Variants in TACC1 observed in about 807,000 individuals in gnomAD.
TACC1 encodes transforming acidic coiled-coil-containing protein 1.
A neutral mutation model predicts 84.4 loss-of-function variants in TACC1; 48 were observed. That is an observed-to-expected ratio of 0.57 (90% confidence interval 0.45 to 0.72). The LOEUF (loss-of-function observed/expected upper bound fraction) is 0.72. Among genes scored for constraint, TACC1 ranks in the 30% least tolerant of loss-of-function variants. The pLI is 0.00. For synonymous variants in TACC1, 372 were observed against 376.3 expected, an observed-to-expected ratio of 0.99 and a Z score of 0.13; for missense variants, 920 against 973.0, an observed-to-expected ratio of 0.95 and a Z score of 0.72.
At chr8:38,843,232 T>C (rs1831584458) in intron 10 of TACC1, 57 bp from the exon 11 acceptor site, 14 of 1,185,342 alleles carry the variant, frequency 1.2e-5, no homozygotes, top group Non-Finnish European at 1.7e-5. Context: ...CTCTGATATG[T>C]GGTAGATTAG....
intron 2 of TACC1, among the ~76,000 whole-genome samples, chr8:38,797,722 A>G (rs1485631532): frequency 6.6e-6 from 1 of 152,184 alleles, no homozygotes; most frequent in African/African-American, 2.4e-5. Flanking sequence ...TTCTGAAGAG[A>G]TGCACATTAT....
intron 3 of TACC1, among the ~76,000 whole-genome samples, chr8:38,768,888 G>A (rs917922136): frequency 1.7e-4 from 26 of 150,230 alleles, no homozygotes; most frequent in African/African-American, 5.4e-4. Context: ...TAAGACTGTC[G>A]GGGGAGGTGT....
intron 2 of TACC1, among the ~76,000 whole-genome samples, chr8:38,792,462 T>A (rs565416559): frequency 6.7e-6 from 1 of 150,234 alleles, no homozygotes; most frequent in Admixed American, 6.6e-5. Flanking sequence ...CCTGGCTAAT[T>A]TTTTGTTTTG....
Position 38,788,707 on chromosome 8 carries a change from G to T in TACC1, c.165G>T (p.Ser55=). ...QAETKSLSFS[S]DSEGNFETPE... is the part of the protein sequence containing the mutation. ...CCTCATTTTTCCTCCTTGGCAGCTCGGATTCTGAAGGTAATTTTGAGACTC... is the reference window on the plus strand; with the variant it reads ...CCTCATTTTTCCTCCTTGGCAGCTCTGATTCTGAAGGTAATTTTGAGACTC... Residue 55 remains serine, a synonymous_variant, in exon 2 of 13, where the codon TCG becomes TCT. Coordinates refer to ENST00000317827, the MANE Select transcript of TACC1 (RefSeq NM_006283.3). 6.2e-7 allele frequency: 1 copy of T among 1,612,280 alleles called. No homozygotes were observed. The highest frequency in any genetic ancestry group is 8.5e-7 in the Non-Finnish European group (1 of 1,179,002).
chr8:38,846,963 C>A, intron 12 of TACC1, 144 bp downstream of exon 12: 2 of 944,640 alleles, frequency 2.1e-6, no homozygotes, highest in Non-Finnish European at 3.1e-6. Context: ...TGAACTGATC[C>A]AGGTGGAAAC....
intron 3 of TACC1, among the ~76,000 whole-genome samples, chr8:38,768,616 G>A (rs1308707084): frequency 2.0e-5 from 3 of 152,200 alleles, no homozygotes; most frequent in African/African-American, 7.2e-5. Context: ...GAATGGTCCA[G>A]GGGCTGAGCA....
chr8:38,761,857 G>A (rs1180325331), intron 3 of TACC1, among the ~76,000 whole-genome samples: 7 of 152,112 alleles, frequency 4.6e-5, no homozygotes, highest in African/African-American at 1.7e-4. Flanking sequence ...GTGATGAAAA[G>A]GTAAAAGAAT....
In TACC1 at chr8:38,825,257, A is replaced by G. The variant is rs376242736; in HGVS notation, c.1392-51A>G. 5.0e-6 allele frequency: 8 copies of G among 1,597,492 alleles called. No homozygotes were observed. In the African/African-American group the frequency reaches 8.0e-5, roughly 16 times the overall value. ...TGTCTGCTCCATTTCATACCTTGAC[A>G]ATTGTCAGTGTGATTGCAAACTGGC... On this transcript the variant is annotated intron_variant, in intron 3 of 12. Coordinates refer to ENST00000317827, the MANE Select transcript of TACC1 (RefSeq NM_006283.3).
chr8:38,773,069 T>A (rs1263743545), intron 3 of TACC1, among the ~76,000 whole-genome samples: 1 of 152,152 alleles, frequency 6.6e-6, no homozygotes, highest in Non-Finnish European at 1.5e-5. Context: ...GGCTCACGCC[T>A]GTAATCCTAG....
chr8:38,840,384 T>A (rs1374942404), intron 9 of TACC1, 117 bp downstream of exon 9: 1 of 913,264 alleles, frequency 1.1e-6, no homozygotes, highest in Non-Finnish European at 1.7e-6. Flanking sequence ...ACATTTTTCA[T>A]AGCTCTGGAG....
chr8:38,847,621 G>A (rs980725249), intron 12 of TACC1, among the ~76,000 whole-genome samples: 1 of 152,194 alleles, frequency 6.6e-6, no homozygotes, highest in Non-Finnish European at 1.5e-5. Flanking sequence ...TATGCTAATG[G>A]ATTGAGTGAG....
At position 38,845,769 on chromosome 8, in the gene TACC1, C is replaced by T. The variant is rs111502016; in HGVS notation, c.2229-930C>T. 2.6e-3 allele frequency among the ~76,000 whole-genome samples: 402 copies of T among 152,340 alleles called. 7 individuals carry two copies. The highest frequency in any genetic ancestry group is 8.3e-3 in the African/African-American group (345 of 41,588). On this transcript the variant is annotated intron_variant, in intron 11 of 12. Coordinates refer to ENST00000317827, the MANE Select transcript of TACC1 (RefSeq NM_006283.3). ...ACACTTTAAATTGCCCTGGTGACTACCACATTGCCCGCCACAAGGCAGCGC... is the reference window on the plus strand; with the variant it reads ...ACACTTTAAATTGCCCTGGTGACTATCACATTGCCCGCCACAAGGCAGCGC...
chr8:38,820,897 G>A (rs1359633799), intron 3 of TACC1, among the ~76,000 whole-genome samples: 2 of 151,826 alleles, frequency 1.3e-5, no homozygotes, highest in Admixed American at 6.6e-5. Flanking sequence ...CTTGACCCTA[G>A]AGACTTTTTT....
Position 38,824,864 on chromosome 8 carries a change from A to G in TACC1, c.1392-444A>G, listed in dbSNP as rs187235103. On this transcript the variant is annotated intron_variant, in intron 3 of 12. Transcript: ENST00000317827. ...ACTGGAACTGTTTTATGAGACGTCT[A>G]TGGCTTTTAGTGCAATAAAGAATTT... The G allele has an allele frequency of 3.9e-4, 62 of 160,792 alleles. 1 individual carries two copies. The highest frequency in any genetic ancestry group is 2.9e-3 in the Admixed American group (47 of 16,126). 10.0% of individuals were successfully genotyped at this position (160,792 alleles called of 1,614,324 possible).
intron 3 of TACC1, among the ~76,000 whole-genome samples, chr8:38,762,065 G>C (rs1811314104): frequency 1.3e-5 from 2 of 152,192 alleles, no homozygotes; most frequent in Non-Finnish European, 2.9e-5. Context: ...AGAAAAAAGA[G>C]TTAATAATGG....
At chr8:38,842,016 T>C (rs1831374564) in intron 9 of TACC1, among the ~76,000 whole-genome samples, 1 of 152,132 alleles carries the variant, frequency 6.6e-6, no homozygotes, top group South Asian at 2.1e-4. Context: ...CACATCCTCA[T>C]TTCTGTCCGG....
chr8:38,776,352 C>T (rs1291193173), intron 3 of TACC1, among the ~76,000 whole-genome samples: 2 of 152,132 alleles, frequency 1.3e-5, no homozygotes, highest in African/African-American at 2.4e-5. Flanking sequence ...ACATCATCCA[C>T]GGGGCAGGCT....
intron 3 of TACC1, among the ~76,000 whole-genome samples, chr8:38,775,932 C>T (rs1814717479): frequency 6.6e-6 from 1 of 152,086 alleles, no homozygotes; most frequent in South Asian, 2.1e-4. Flanking sequence ...TAATTGAGCC[C>T]ATAAGAAAAC....
chr8:38,802,661 A>G (rs1821675308), intron 2 of TACC1, among the ~76,000 whole-genome samples: 1 of 152,232 alleles, frequency 6.6e-6, no homozygotes, highest in African/African-American at 2.4e-5. Context: ...AGGCTGTAGT[A>G]GAAGCATGGC....
Sources: allele counts gnomAD v4.1 joint callset (sites outside exome capture counted in the v4.1 genomes callset), GRCh38; gene constraint gnomAD v4.1.1; transcripts MANE v1.5; gene names NCBI Gene and HGNC (gene_info 2026-07-23, HGNC 2026-07-21).